Variants in SEMA6D observed in about 807,000 individuals in gnomAD.
SEMA6D encodes semaphorin-6D.
In SEMA6D, 35 loss-of-function variants were observed where a neutral mutation model predicts 106.6. The observed-to-expected ratio is 0.33, with a 90% CI of 0.25 to 0.44. SEMA6D has a LOEUF of 0.44. Ranked by LOEUF, SEMA6D falls within the 20% of genes least tolerant of loss-of-function variation. The probability of loss-of-function intolerance (pLI) is 1.00; values close to 1 mark genes in which losing one functional copy is unlikely to be tolerated. For missense variants in SEMA6D, 1,185 were observed against 1,345.9 expected, an observed-to-expected ratio of 0.88 and a Z score of 1.87; for synonymous variants, 499 against 487.7, an observed-to-expected ratio of 1.02 and a Z score of -0.31.
chr15:47,460,801 A>G (rs1018272663), intron 2 of SEMA6D, among the ~76,000 whole-genome samples: 1 of 152,104 alleles, frequency 6.6e-6, no homozygotes, highest in Non-Finnish European at 1.5e-5. Context: ...AACGTTGCTT[A>G]TAAGTAACTG....
intron 3 of SEMA6D, among the ~76,000 whole-genome samples, chr15:47,483,187 AG>A (rs1452957983): frequency 6.6e-6 from 1 of 152,188 alleles, no homozygotes; most frequent in African/African-American, 2.4e-5. Context: ...ACCTACTGTC[AG>A]AATATTTGCT....
At chr15:47,521,812 C>T (rs931509759) in intron 3 of SEMA6D, among the ~76,000 whole-genome samples, 16 of 152,022 alleles carry the variant, frequency 1.1e-4, no homozygotes, top group Non-Finnish European at 1.9e-4. Context: ...GGTGAAACCC[C>T]GTCTCTACTA....
rs748569450 is a variant in SEMA6D at position 47,223,377 on chromosome 15, A to G, written c.-239+38959A>G. ...TTTTAAACCTGTAACTTTTCTGTCAAAGAGATTTGTAGTGTCTTGTTTTTC... is the reference window on the plus strand; with the variant it reads ...TTTTAAACCTGTAACTTTTCTGTCAGAGAGATTTGTAGTGTCTTGTTTTTC... On this transcript the variant is annotated intron_variant, in intron 1 of 19. Transcript: ENST00000558014. Among the ~76,000 whole-genome samples the G allele has an allele frequency of 8.6e-5, 13 of 151,994 alleles. 1 individual carries two copies. Among genetic ancestry groups the G allele is most frequent in the Admixed American group, 8.5e-4 (13 of 15,212 alleles).
chr15:47,297,331 C>T (rs780308401), intron 1 of SEMA6D, among the ~76,000 whole-genome samples: 1 of 152,160 alleles, frequency 6.6e-6, no homozygotes, highest in Non-Finnish European at 1.5e-5. Context: ...CACAGGATTT[C>T]AGAAACTCTC....
chr15:47,403,306 TGAG>T (rs1157236055), intron 1 of SEMA6D, among the ~76,000 whole-genome samples: 4 of 152,088 alleles, frequency 2.6e-5, no homozygotes, highest in Admixed American at 1.3e-4. Flanking sequence ...AGTGCAAAAG[TGAG>T]GAGAAGACCC....
intron 1 of SEMA6D, among the ~76,000 whole-genome samples, chr15:47,759,118 G>A (rs2081927859): frequency 6.6e-6 from 1 of 152,068 alleles, no homozygotes; most frequent in South Asian, 2.1e-4. Flanking sequence ...TGAAATCATT[G>A]TATTTCTTTT....
chr15:47,509,475 T>C (rs2044153588), intron 3 of SEMA6D, among the ~76,000 whole-genome samples: 1 of 152,152 alleles, frequency 6.6e-6, no homozygotes, highest in Non-Finnish European at 1.5e-5. Flanking sequence ...GAATCTATGA[T>C]CACCACTCCC....
upstream of SEMA6D, among the ~76,000 whole-genome samples, chr15:47,716,569 C>T (rs528319484): frequency 1.6e-4 from 25 of 152,130 alleles, no homozygotes; most frequent in Admixed American, 8.5e-4. Flanking sequence ...CATTTAGAGC[C>T]CTCAGTGATC....
At chr15:47,608,038 T>A (rs931309686) in intron 4 of SEMA6D, among the ~76,000 whole-genome samples, 1 of 152,206 alleles carries the variant, frequency 6.6e-6, no homozygotes, top group African/African-American at 2.4e-5. Flanking sequence ...TTCTCCACCC[T>A]CAAGATTATT....
At chr15:47,514,075 A>G (rs2044313921) in intron 3 of SEMA6D, among the ~76,000 whole-genome samples, 1 of 152,240 alleles carries the variant, frequency 6.6e-6, no homozygotes, top group South Asian at 2.1e-4. Context: ...CTAAACGGAC[A>G]GTGTGGTCTC....
At chr15:47,742,168 A>C (rs1596923184) in intron 1 of SEMA6D, among the ~76,000 whole-genome samples, 1 of 152,380 alleles carries the variant, frequency 6.6e-6, no homozygotes, top group South Asian at 2.1e-4. Context: ...AAACGATGTC[A>C]GTACACCAGG....
Position 47,325,424 on chromosome 15 carries a change from G to T in SEMA6D, c.-238-86969G>T, listed in dbSNP as rs182723481. 2.0e-5 allele frequency among the ~76,000 whole-genome samples: 3 copies of T among 151,828 alleles called. No individual in the cohort carries two copies. The East Asian group carries it at 5.9e-4, about 30-fold the overall frequency. ...CTGACCTCAGGTGATCGCCCGCCTT[G>T]GCCTCCCAAAGTGGTGGGATTACAG... On this transcript the variant is annotated intron_variant, in intron 1 of 19. Coordinates refer to the SEMA6D transcript ENST00000558014.
intron 1 of SEMA6D, among the ~76,000 whole-genome samples, chr15:47,375,086 C>T (rs2039403817): frequency 6.6e-6 from 1 of 152,228 alleles, no homozygotes; most frequent in Non-Finnish European, 1.5e-5. Flanking sequence ...TCGTATTGCT[C>T]CTTGTGACAT....
chr15:47,192,132 A>G (rs890540479), intron 1 of SEMA6D, among the ~76,000 whole-genome samples: 1 of 152,206 alleles, frequency 6.6e-6, no homozygotes, highest in Non-Finnish European at 1.5e-5. Flanking sequence ...TCCTGAGTCT[A>G]TATGATACTT....
At chr15:47,416,370 G>T (rs2040969181) in intron 2 of SEMA6D, among the ~76,000 whole-genome samples, 1 of 152,012 alleles carries the variant, frequency 6.6e-6, no homozygotes, top group Non-Finnish European at 1.5e-5. Flanking sequence ...ACCTTCCTTG[G>T]TCACAAAATT....
intron 4 of SEMA6D, among the ~76,000 whole-genome samples, chr15:47,675,023 A>C (rs891399072): frequency 6.6e-6 from 1 of 152,246 alleles, no homozygotes; most frequent in African/African-American, 2.4e-5. Context: ...GCTAAGTTAC[A>C]TAACAGCATA....
intron 4 of SEMA6D, among the ~76,000 whole-genome samples, chr15:47,616,589 A>T (rs1489069062): frequency 1.3e-5 from 2 of 151,696 alleles, no homozygotes; most frequent in African/African-American, 4.8e-5. Flanking sequence ...GGAAAAAAAA[A>T]AAAAAAGATG....
At chr15:47,423,580 CA>C (rs1423676993) in intron 2 of SEMA6D, among the ~76,000 whole-genome samples, 4 of 151,980 alleles carry the variant, frequency 2.6e-5, no homozygotes, top group Non-Finnish European at 5.9e-5. Flanking sequence ...TAAAGAAAAA[CA>C]GCAACTACAA....
chr15:47,454,764 A>AC (rs1042704445), intron 2 of SEMA6D, among the ~76,000 whole-genome samples: 3 of 152,000 alleles, frequency 2.0e-5, no homozygotes, highest in East Asian at 3.9e-4. Flanking sequence ...TTACAGAGTT[A>AC]CCCCTTTTAA....
Sources: gnomAD v4.1 joint callset for allele counts (sites outside exome capture counted in the v4.1 genomes callset) on GRCh38, gnomAD v4.1.1 for gene constraint, MANE v1.5 for transcripts, NCBI Gene and HGNC (gene_info 2026-07-23, HGNC 2026-07-21) for gene names.